The following ARB2A variants were observed in gnomAD, a reference collection of about 807,000 sequenced individuals.
ARB2A encodes ARB2 cotranscriptional regulator A.
chr5:93,828,877 A>G, the ARB2A span, among the ~76,000 whole-genome samples: 1 of 152,110 alleles, frequency 6.6e-6, no homozygotes, highest in African/African-American at 2.4e-5. Flanking sequence ...CCCAGGTTCA[A>G]GCGATTTTCC....
chr5:94,049,543 C>T, the ARB2A span, among the ~76,000 whole-genome samples: 1 of 148,282 alleles, frequency 6.7e-6, no homozygotes, highest in Non-Finnish European at 1.5e-5. Flanking sequence ...ACTAAAAGTA[C>T]AAAAAAAAAT....
the ARB2A span, among the ~76,000 whole-genome samples, chr5:94,060,976 C>T: frequency 3.3e-5 from 5 of 152,198 alleles, no homozygotes; most frequent in Non-Finnish European, 7.3e-5. Flanking sequence ...CGGTGGCTAA[C>T]GCCTGTAATC....
At chr5:93,974,255 C>G in the ARB2A span, among the ~76,000 whole-genome samples, 1 of 151,978 alleles carries the variant, frequency 6.6e-6, no homozygotes, top group African/African-American at 2.4e-5. Flanking sequence ...AGATCTTTCT[C>G]AAAGTAAAAA....
At chr5:93,911,305 G>A in the ARB2A span, among the ~76,000 whole-genome samples, 1 of 151,548 alleles carries the variant, frequency 6.6e-6, no homozygotes, top group Non-Finnish European at 1.5e-5. Flanking sequence ...CCTTGCGATT[G>A]TTTTCCTTTG....
At chr5:93,925,008 T>A in the ARB2A span, among the ~76,000 whole-genome samples, 21 of 152,216 alleles carry the variant, frequency 1.4e-4, no homozygotes, top group African/African-American at 4.6e-4. Context: ...AACTACCACC[T>A]CATTAAGGTG....
At chr5:93,937,610 C>CA in the ARB2A span, among the ~76,000 whole-genome samples, 71 of 139,322 alleles carry the variant, frequency 5.1e-4, no homozygotes, top group South Asian at 1.6e-3. Flanking sequence ...GACTCCATCT[C>CA]AAAAAAAAAA....
chr5:93,685,065 A>G, the ARB2A span, among the ~76,000 whole-genome samples: 1 of 152,220 alleles, frequency 6.6e-6, no homozygotes, highest in Non-Finnish European at 1.5e-5. Flanking sequence ...CAACAGAAAT[A>G]AGTCTCAGGT....
At chr5:93,624,875 T>G in the ARB2A span, among the ~76,000 whole-genome samples, 2 of 152,200 alleles carry the variant, frequency 1.3e-5, no homozygotes, top group Non-Finnish European at 2.9e-5. Flanking sequence ...TTAAATATGT[T>G]TTACAGATAA....
At chr5:94,080,479 T>C in the ARB2A span, among the ~76,000 whole-genome samples, 1 of 152,120 alleles carries the variant, frequency 6.6e-6, no homozygotes, top group Non-Finnish European at 1.5e-5. Flanking sequence ...CAACATAGAT[T>C]TTAAAATATA....
chr5:93,728,762 A>G, the ARB2A span, among the ~76,000 whole-genome samples: 1 of 152,154 alleles, frequency 6.6e-6, no homozygotes, highest in Non-Finnish European at 1.5e-5. Context: ...ACATAAGTCA[A>G]TATAAAAACC....
At chr5:94,098,786 CT>C in the ARB2A span, among the ~76,000 whole-genome samples, 1 of 152,096 alleles carries the variant, frequency 6.6e-6, no homozygotes, top group East Asian at 1.9e-4. Flanking sequence ...TTAGCAGTTA[CT>C]AAGGGAATGT....
the ARB2A span, among the ~76,000 whole-genome samples, chr5:93,639,228 T>A: frequency 6.6e-6 from 1 of 152,242 alleles, no homozygotes; most frequent in Admixed American, 6.5e-5. Context: ...CTACTGGTCA[T>A]GAAAGTTCCT....
the ARB2A span, among the ~76,000 whole-genome samples, chr5:93,635,459 G>GTTTT: frequency 2.3e-4 from 30 of 128,916 alleles, 1 homozygote; most frequent in Admixed American, 4.6e-4. Context: ...TTATACGAAA[G>GTTTT]TTTTTTTTTT....
the ARB2A span, among the ~76,000 whole-genome samples, chr5:94,051,900 C>A: frequency 6.6e-6 from 1 of 152,210 alleles, no homozygotes. Context: ...CAGCTCACTG[C>A]AACCTCTGCC....
the ARB2A span, among the ~76,000 whole-genome samples, chr5:94,084,250 G>A: frequency 6.9e-6 from 1 of 145,224 alleles, no homozygotes; most frequent in African/African-American, 2.6e-5. Flanking sequence ...CTCCAATCTG[G>A]GCAACAGGAG....
the ARB2A span, among the ~76,000 whole-genome samples, chr5:94,033,795 G>C: frequency 6.6e-6 from 1 of 152,180 alleles, no homozygotes; most frequent in Non-Finnish European, 1.5e-5. Context: ...CTATGGTTTG[G>C]ATGTAATTTG....
chr5:94,070,525 G>A, the ARB2A span, among the ~76,000 whole-genome samples: 1 of 151,990 alleles, frequency 6.6e-6, no homozygotes. Context: ...ATAAACACTT[G>A]GGGCAATGGA....
the ARB2A span, among the ~76,000 whole-genome samples, chr5:94,070,089 T>C: frequency 6.7e-6 from 1 of 148,800 alleles, no homozygotes; most frequent in Non-Finnish European, 1.5e-5. Context: ...ATATACACAA[T>C]GGAATACTAT....
the ARB2A span, among the ~76,000 whole-genome samples, chr5:94,084,340 C>G: frequency 6.7e-6 from 1 of 149,080 alleles, no homozygotes; most frequent in African/African-American, 2.5e-5. Flanking sequence ...TAAAATAAAT[C>G]CAACAAAAGA....
Sources: gnomAD v4.1 joint callset for allele counts (sites outside exome capture counted in the v4.1 genomes callset) on GRCh38, gnomAD v4.1.1 for gene constraint, MANE v1.5 for transcripts, NCBI Gene and HGNC (gene_info 2026-07-23, HGNC 2026-07-21) for gene names.